The following TPST1 variants were observed in gnomAD, a reference collection of about 807,000 sequenced individuals.
TPST1 encodes protein-tyrosine sulfotransferase 1.
TPST1 carries 20 observed loss-of-function variants against 34.8 expected under a neutral mutation model. That is an observed-to-expected ratio of 0.57 (90% confidence interval 0.40 to 0.84). The LOEUF is 0.84. Ranked by LOEUF, TPST1 falls within the 40% of genes least tolerant of loss-of-function variation. The pLI is 0.00. For missense variants in TPST1, 353 were observed against 455.5 expected, an observed-to-expected ratio of 0.78 and a Z score of 2.05; for synonymous variants, 152 against 159.4, an observed-to-expected ratio of 0.95 and a Z score of 0.35.
intron 1 of TPST1, among the ~76,000 whole-genome samples, chr7:66,208,594 G>A (rs751034748): frequency 1.3e-5 from 2 of 151,884 alleles, no homozygotes; most frequent in Non-Finnish European, 2.9e-5. Flanking sequence ...TCAGCCTTCC[G>A]AGTAGCTGGG....
chr7:66,217,083 A>G (rs896189737), intron 1 of TPST1, among the ~76,000 whole-genome samples: 1 of 152,164 alleles, frequency 6.6e-6, no homozygotes, highest in Non-Finnish European at 1.5e-5. Context: ...TGGTTTAAAT[A>G]TATTGGGACT....
chr7:66,322,007 A>G (rs935861605), intron 3 of TPST1, among the ~76,000 whole-genome samples: 1 of 152,180 alleles, frequency 6.6e-6, no homozygotes, highest in African/African-American at 2.4e-5. Context: ...AACTTCTCCC[A>G]TCTATCTGCC....
chr7:66,318,941 T>C (rs1791693298), intron 3 of TPST1, among the ~76,000 whole-genome samples: 1 of 152,256 alleles, frequency 6.6e-6, no homozygotes, highest in Non-Finnish European at 1.5e-5. Context: ...GTTTTGCAAT[T>C]GAGAAGTTAC....
chr7:66,242,931 C>T (rs1325740901), intron 2 of TPST1, among the ~76,000 whole-genome samples: 1 of 151,852 alleles, frequency 6.6e-6, no homozygotes, highest in Non-Finnish European at 1.5e-5. Context: ...GAATGGAGGC[C>T]CTGTAAGGCT....
intron 3 of TPST1, among the ~76,000 whole-genome samples, chr7:66,337,801 T>G (rs1015100399): frequency 6.6e-6 from 1 of 152,202 alleles, no homozygotes; most frequent in Non-Finnish European, 1.5e-5. Context: ...AAGATTTTTT[T>G]GTAAGCCTCA....
chr7:66,312,416 G>A (rs1791548904), intron 3 of TPST1, among the ~76,000 whole-genome samples: 1 of 151,990 alleles, frequency 6.6e-6, no homozygotes, highest in African/African-American at 2.4e-5. Flanking sequence ...AAAAAACATG[G>A]TATTTATAAA....
At chr7:66,224,995 A>C (rs1187461515) in intron 1 of TPST1, among the ~76,000 whole-genome samples, 1 of 131,484 alleles carries the variant, frequency 7.6e-6, no homozygotes, top group African/African-American at 3.0e-5. Context: ...TTGGCTCACC[A>C]CAACCTCCAC....
chr7:66,200,998 C>T (rs541912310), upstream of TPST1, among the ~76,000 whole-genome samples: 34 of 152,094 alleles, frequency 2.2e-4, 1 homozygote, highest in African/African-American at 7.9e-4. Context: ...AAAGTGCTGG[C>T]ATTACAGGTG....
intron 3 of TPST1, among the ~76,000 whole-genome samples, chr7:66,309,586 A>G (rs556770164): frequency 5.3e-5 from 8 of 152,254 alleles, no homozygotes; most frequent in African/African-American, 1.9e-4. Flanking sequence ...GGGACTGTGA[A>G]ATGGTACCAA....
intron 1 of TPST1, among the ~76,000 whole-genome samples, chr7:66,225,256 A>C (rs887768482): frequency 4.6e-5 from 7 of 152,014 alleles, no homozygotes; most frequent in African/African-American, 1.7e-4. Context: ...AGCTCTATAA[A>C]TGTCCTAGTT....
chr7:66,284,322 C>G (rs976087766), intron 2 of TPST1, among the ~76,000 whole-genome samples: 4 of 151,644 alleles, frequency 2.6e-5, no homozygotes, highest in African/African-American at 7.3e-5. Context: ...GATTTTTTCT[C>G]TAGATTTTTG....
At chr7:66,228,524 A>C (rs1256044583) in intron 1 of TPST1, among the ~76,000 whole-genome samples, 1 of 152,172 alleles carries the variant, frequency 6.6e-6, no homozygotes, top group Non-Finnish European at 1.5e-5. Context: ...AAATAAATGG[A>C]ATATACTAGA....
At chr7:66,274,944 C>A (rs574579403) in intron 2 of TPST1, among the ~76,000 whole-genome samples, 7 of 152,152 alleles carry the variant, frequency 4.6e-5, no homozygotes, top group Non-Finnish European at 1.0e-4. Context: ...CCTGTAATCC[C>A]TGCACTTTGG....
intron 3 of TPST1, among the ~76,000 whole-genome samples, chr7:66,344,791 T>A (rs1215272799): frequency 2.0e-5 from 3 of 149,798 alleles, no homozygotes; most frequent in Non-Finnish European, 4.4e-5. Flanking sequence ...TGGTGCAATC[T>A]CGGCTCACTG....
Position 66,345,197 on chromosome 7 carries a change from A to G in TPST1, c.1045-7308A>G, listed in dbSNP as rs533172782. Among the ~76,000 whole-genome samples the G allele has an allele frequency of 1.2e-3, 179 of 151,912 alleles. 1 individual carries two copies. The highest frequency in any genetic ancestry group is 4.8e-3 in the South Asian group (23 of 4,812). On this transcript the variant is annotated intron_variant, in intron 3 of 5. Transcript: ENST00000304842. Reference sequence around the variant, plus strand: ...TCCAGTTTAGAAAGTTAAGAAAACAAGCAAGATCAATACCAAATGCCAGGT... The same window carrying G: ...TCCAGTTTAGAAAGTTAAGAAAACAGGCAAGATCAATACCAAATGCCAGGT...
chr7:66,359,623 C>G, intron 5 of TPST1: 1 of 300,364 alleles, frequency 3.3e-6, no homozygotes, highest in Non-Finnish European at 6.7e-6. Flanking sequence ...TAGAAATGGG[C>G]AGGAGCAGCC....
chr7:66,220,326 C>G (rs565352660), intron 1 of TPST1, among the ~76,000 whole-genome samples: 37 of 152,220 alleles, frequency 2.4e-4, no homozygotes, highest in African/African-American at 8.9e-4. Flanking sequence ...CTTATAGAAT[C>G]TAATTACAGC....
intron 1 of TPST1, among the ~76,000 whole-genome samples, chr7:66,207,540 T>C (rs1789156286): frequency 6.6e-6 from 1 of 152,204 alleles, no homozygotes; most frequent in South Asian, 2.1e-4. Context: ...AAACAAAGCT[T>C]TTCTTGATGC....
chr7:66,285,297 C>G (rs1791013143), intron 2 of TPST1, among the ~76,000 whole-genome samples: 1 of 152,030 alleles, frequency 6.6e-6, no homozygotes, highest in African/African-American at 2.4e-5. Context: ...TGGACCTGTC[C>G]TGGGCAAACG....
Sources: gnomAD v4.1 joint callset for allele counts (sites outside exome capture counted in the v4.1 genomes callset) on GRCh38, gnomAD v4.1.1 for gene constraint, MANE v1.5 for transcripts, NCBI Gene and HGNC (gene_info 2026-07-23, HGNC 2026-07-21) for gene names.